Variants in HELZ observed in about 807,000 individuals in gnomAD.
HELZ encodes ATP-dependent RNA helicase with zinc finger domain.
Under a neutral mutation model 218.2 loss-of-function variants are expected in HELZ, and 23 were observed. That is an observed-to-expected ratio of 0.11 (90% CI 0.08 to 0.15). The LOEUF is 0.15. Ranked by LOEUF, HELZ falls within the 10% of genes least tolerant of loss-of-function variation. The pLI is 1.00. For missense variants in HELZ, 1,813 were observed against 2,353.7 expected, an observed-to-expected ratio of 0.77 and a Z score of 4.75; for synonymous variants, 814 against 829.4, an observed-to-expected ratio of 0.98 and a Z score of 0.32.
In HELZ at chr17:67,188,867, C is replaced by T. The variant is rs1004788480; in HGVS notation, c.865-251G>A. 1.1e-4 allele frequency among the ~76,000 whole-genome samples: 17 copies of T among 152,114 alleles called. No individual in the cohort carries two copies. Among genetic ancestry groups the T allele is most frequent in the Non-Finnish European group, 2.4e-4 (16 of 68,012 alleles). ...TTTTTCACTGTGGCAAAAGCTATCACCCTATATAACCATCAACCTTCAAAC... is the reference window on the plus strand; with the variant it reads ...TTTTTCACTGTGGCAAAAGCTATCATCCTATATAACCATCAACCTTCAAAC... On this transcript the variant is annotated intron_variant, in intron 11 of 32. Coordinates refer to ENST00000358691, the MANE Select transcript of HELZ (RefSeq NM_014877.4). This position sits in a 1 kb window ranked among gnomAD's most constrained non-coding sequence, Gnocchi z 4.1.
chr17:67,120,206 G>A (rs540352114), intron 27 of HELZ, among the ~76,000 whole-genome samples, 199 bp downstream of exon 27: 19 of 151,430 alleles, frequency 1.3e-4, no homozygotes, highest in East Asian at 3.9e-4. Context: ...GGATTTCACC[G>A]TGTTAGCCAG....
At chr17:67,224,632 T>G (rs1401189255) in intron 3 of HELZ, 1 of 560,430 alleles carries the variant, frequency 1.8e-6, no homozygotes, top group Non-Finnish European at 3.3e-6. Flanking sequence ...AAAAAATAAG[T>G]GAGCATGGGA....
intron 31 of HELZ, among the ~76,000 whole-genome samples, chr17:67,089,086 G>A (rs866783167): frequency 6.6e-6 from 1 of 152,030 alleles, no homozygotes; most frequent in Admixed American, 6.6e-5. Flanking sequence ...ACAATCTTCA[G>A]GGGATTACAT....
At chr17:67,193,442 G>C (rs1176656010) in intron 9 of HELZ, among the ~76,000 whole-genome samples, 2 of 152,032 alleles carry the variant, frequency 1.3e-5, no homozygotes, top group Non-Finnish European at 2.9e-5. Context: ...CTGAGGCCAG[G>C]CACAGTGGCT....
At chr17:67,088,531 A>T (rs1430702262) in intron 31 of HELZ, among the ~76,000 whole-genome samples, 4 of 152,240 alleles carry the variant, frequency 2.6e-5, no homozygotes, top group African/African-American at 9.6e-5. Context: ...CTAGGGAAGA[A>T]AATGGGTCTG....
rs184925721 is a variant in HELZ at position 67,077,497 on chromosome 17, A to G, written c.*755T>C. The G allele has an allele frequency of 1.3e-5, 2 of 152,250 alleles. No homozygotes were observed. The highest frequency in any genetic ancestry group is 2.9e-5 in the Non-Finnish European group (2 of 67,996). The allele number at this position is 152,250 out of a possible 1,614,324, so 9.4% of individuals were successfully genotyped here. ...GCTTCTTGATTTGTTTAAAAAAAAA[A>G]ACACACACTATCAAATTAACATTAA... is the stretch of plus-strand genomic sequence containing the variant. On this transcript the variant is annotated 3_prime_UTR_variant, in exon 33 of 33. Coordinates refer to ENST00000358691, the MANE Select transcript of HELZ (RefSeq NM_014877.4).
chr17:67,220,918 A>G (rs1440589125), intron 3 of HELZ, among the ~76,000 whole-genome samples: 1 of 143,538 alleles, frequency 7.0e-6, no homozygotes, highest in Non-Finnish European at 1.5e-5. Flanking sequence ...AAACTTCCTC[A>G]GCTTTCCTTC....
intron 3 of HELZ, among the ~76,000 whole-genome samples, chr17:67,231,098 C>G (rs559136595): frequency 2.4e-4 from 37 of 152,160 alleles, no homozygotes; most frequent in Non-Finnish European, 4.3e-4. Context: ...AATTGAGGAC[C>G]ATTCTATTAA....
At chr17:67,174,828 T>C (rs2039409581) in intron 13 of HELZ, among the ~76,000 whole-genome samples, 1 of 152,104 alleles carries the variant, frequency 6.6e-6, no homozygotes, top group African/African-American at 2.4e-5. Context: ...AGAAATATTC[T>C]GCTTAAACTG....
chr17:67,214,511 C>G (rs948769535), intron 5 of HELZ, among the ~76,000 whole-genome samples: 7 of 151,736 alleles, frequency 4.6e-5, no homozygotes, highest in Non-Finnish European at 7.4e-5. Flanking sequence ...AGTGATCCAC[C>G]CACCTCGGCC....
At chr17:67,220,245 AT>A (rs1041768565) in intron 3 of HELZ, among the ~76,000 whole-genome samples, 6 of 152,208 alleles carry the variant, frequency 3.9e-5, no homozygotes, top group South Asian at 4.1e-4. Context: ...GAGAAAAGTC[AT>A]TGATGGGCAG....
intron 26 of HELZ, among the ~76,000 whole-genome samples, chr17:67,121,003 A>G (rs1393282353): frequency 6.6e-6 from 1 of 152,256 alleles, no homozygotes; most frequent in Non-Finnish European, 1.5e-5. Context: ...GCATAGAAAC[A>G]TAGTTTAATA....
chr17:67,136,557 G>C (rs1327056207), intron 22 of HELZ, among the ~76,000 whole-genome samples: 1 of 152,140 alleles, frequency 6.6e-6, no homozygotes, highest in Non-Finnish European at 1.5e-5. Flanking sequence ...GAGTATCCCT[G>C]GACAGAGGAA....
At chr17:67,229,847 C>A (rs554421559) in intron 3 of HELZ, among the ~76,000 whole-genome samples, 1 of 152,300 alleles carries the variant, frequency 6.6e-6, no homozygotes, top group South Asian at 2.1e-4. Flanking sequence ...TTCTCTAAAA[C>A]ATAAAATCAC....
At chr17:67,193,358 A>G (rs1271386984) in intron 9 of HELZ, among the ~76,000 whole-genome samples, 1 of 151,690 alleles carries the variant, frequency 6.6e-6, no homozygotes, top group Non-Finnish European at 1.5e-5. Flanking sequence ...AAAAAAAAAA[A>G]AAAAAGAAAA....
At chr17:67,178,959 A>C (rs746629854) in intron 12 of HELZ, 33 bp from the exon 13 acceptor site, 43 of 1,446,208 alleles carry the variant, frequency 3.0e-5, no homozygotes, top group Non-Finnish European at 3.8e-6. Context: ...TTTATAAAGA[A>C]ACAGAACATT....
chr17:67,215,638 C>G (rs1159163364), intron 5 of HELZ: 3 of 457,440 alleles, frequency 6.6e-6, no homozygotes, highest in Non-Finnish European at 1.2e-5. Flanking sequence ...TGAGCCACCA[C>G]ACCCGGCCTC....
At chr17:67,177,240 A>T (rs1258932605) in intron 13 of HELZ, among the ~76,000 whole-genome samples, 2 of 152,124 alleles carry the variant, frequency 1.3e-5, no homozygotes, top group Admixed American at 1.3e-4. Flanking sequence ...GGTGTGAGCC[A>T]CCACACCCAG....
chr17:67,238,586 G>C, intron 3 of HELZ, among the ~76,000 whole-genome samples: 1 of 151,842 alleles, frequency 6.6e-6, no homozygotes, highest in East Asian at 1.9e-4. Flanking sequence ...GGAGGCTGAG[G>C]CAGGAGAATT....
Sources: gnomAD v4.1 joint callset for allele counts (sites outside exome capture counted in the v4.1 genomes callset) on GRCh38, gnomAD v4.1.1 for gene constraint, Gnocchi (gnomAD v3.1) non-coding constraint, MANE v1.5 for transcripts, NCBI Gene and HGNC (gene_info 2026-07-23, HGNC 2026-07-21) for gene names.